PAK1: variants seen among roughly 807,000 people sequenced by gnomAD.
PAK1 encodes the protein serine/threonine-protein kinase PAK 1.
A neutral mutation model predicts 67.4 loss-of-function variants in PAK1; 29 were observed. That is an observed-to-expected ratio of 0.43 (90% CI 0.32 to 0.59). The LOEUF (loss-of-function observed/expected upper bound fraction) is 0.59. Among genes scored for constraint, PAK1 ranks in the 20% least tolerant of loss-of-function variants. The pLI, the probability that PAK1 is intolerant of heterozygous loss-of-function variation, is 0.07. For synonymous variants in PAK1, 223 were observed against 237.4 expected (o/e 0.94, Z 0.56); for missense variants, 337 against 670.7 (o/e 0.50, Z 5.50).
At chr11:77,398,986 C>T (rs1160831458) in intron 1 of PAK1, among the ~76,000 whole-genome samples, 1 of 152,306 alleles carries the variant, frequency 6.6e-6, no homozygotes, top group East Asian at 1.9e-4. Context: ...AATTCTTATT[C>T]CTCCAATCAA....
intron 1 of PAK1, among the ~76,000 whole-genome samples, chr11:77,471,307 T>C (rs1957842850): frequency 6.6e-6 from 1 of 152,206 alleles, no homozygotes; most frequent in Non-Finnish European, 1.5e-5. Context: ...TTTAACCCAG[T>C]GGTTCTCAAA....
At chr11:77,333,377 C>T (rs1371979149) in intron 13 of PAK1, among the ~76,000 whole-genome samples, 1 of 151,938 alleles carries the variant, frequency 6.6e-6, no homozygotes, top group East Asian at 1.9e-4. Context: ...TTCGTATTTT[C>T]AGTAGAGACG....
At chr11:77,417,540 T>C (rs1955034006) in intron 1 of PAK1, among the ~76,000 whole-genome samples, 2 of 152,190 alleles carry the variant, frequency 1.3e-5, no homozygotes, top group South Asian at 4.1e-4. Context: ...TACTGTATGA[T>C]ACTATAATCG....
At chr11:77,445,259 A>G (rs1956547056) in intron 1 of PAK1, among the ~76,000 whole-genome samples, 3 of 152,168 alleles carry the variant, frequency 2.0e-5, no homozygotes, top group African/African-American at 7.2e-5. Context: ...CCAGAGGTGG[A>G]CCTGCAAAAA....
the PAK1 span, among the ~76,000 whole-genome samples, chr11:77,487,909 C>G: frequency 2.4e-3 from 369 of 152,238 alleles, no homozygotes; most frequent in Non-Finnish European, 4.1e-3. Flanking sequence ...TTGTAGAGCC[C>G]TAGGGCCTTG....
intron 2 of PAK1, among the ~76,000 whole-genome samples, chr11:77,387,551 C>T (rs1400668870): frequency 6.6e-6 from 1 of 152,280 alleles, no homozygotes; most frequent in South Asian, 2.1e-4. Context: ...AAGCCTTAGC[C>T]TCCCCAACTA....
intron 7 of PAK1, among the ~76,000 whole-genome samples, chr11:77,354,668 G>A (rs1945761862): frequency 6.6e-6 from 1 of 152,188 alleles, no homozygotes; most frequent in Admixed American, 6.5e-5. Context: ...GTCATTTTAT[G>A]AGGGATCCAG....
At position 77,355,746 on chromosome 11, in the gene PAK1, G is replaced by GT. The variant is rs1945945813; in HGVS notation, c.693dup (p.Pro232ThrfsTer9). On this transcript the variant is annotated frameshift_variant, in exon 7 of 15. Transcript: ENST00000356341. LOFTEE classifies it high-confidence loss of function. Reference sequence around the variant, plus strand: ...TCAGTATTCCGGGTCAAAGCATCTGGTGGAGTGGTGTTATTTTCAGTAGGT... The same window carrying GT: ...TCAGTATTCCGGGTCAAAGCATCTGGTTGGAGTGGTGTTATTTTCAGTAGGT... 6.2e-7 allele frequency: 1 copy of GT among 1,613,080 alleles called. No homozygotes were observed. Among genetic ancestry groups the GT allele is most frequent in the Non-Finnish European group, 8.5e-7 (1 of 1,179,164 alleles).
the PAK1 span, among the ~76,000 whole-genome samples, chr11:77,497,787 T>C: frequency 6.6e-6 from 1 of 152,242 alleles, no homozygotes; most frequent in Non-Finnish European, 1.5e-5. Flanking sequence ...TTAGTTTCCT[T>C]TGCATTTTCT....
intron 1 of PAK1, among the ~76,000 whole-genome samples, chr11:77,467,931 G>A (rs1957673267): frequency 6.6e-6 from 1 of 152,200 alleles, no homozygotes; most frequent in Non-Finnish European, 1.5e-5. Flanking sequence ...CAGTGAGGAA[G>A]ACATCAATCT....
intron 13 of PAK1, among the ~76,000 whole-genome samples, chr11:77,333,619 C>T (rs1442864713): frequency 6.6e-6 from 1 of 152,160 alleles, no homozygotes; most frequent in African/African-American, 2.4e-5. Flanking sequence ...CATCCAAGAA[C>T]TGATCTCTTC....
intron 14 of PAK1, among the ~76,000 whole-genome samples, chr11:77,326,512 CT>C (rs768083937): frequency 6.6e-6 from 1 of 152,156 alleles, no homozygotes; most frequent in Non-Finnish European, 1.5e-5. Flanking sequence ...TGGCAAAACC[CT>C]GTCTTTACAA....
intron 1 of PAK1, among the ~76,000 whole-genome samples, chr11:77,449,429 TCAA>T (rs1198234754): frequency 6.6e-6 from 1 of 152,096 alleles, no homozygotes; most frequent in African/African-American, 2.4e-5. Context: ...ACCATTCAGT[TCAA>T]CATCTCACTG....
chr11:77,484,467 G>A, the PAK1 span, among the ~76,000 whole-genome samples: 2 of 152,208 alleles, frequency 1.3e-5, no homozygotes, highest in African/African-American at 2.4e-5. Flanking sequence ...CTCTACTACA[G>A]AGACTGGAAA....
the PAK1 span, among the ~76,000 whole-genome samples, chr11:77,510,031 C>T: frequency 6.6e-6 from 1 of 152,180 alleles, no homozygotes; most frequent in African/African-American, 2.4e-5. Flanking sequence ...TTGGTGTTGT[C>T]TTGAGTTTGT....
chr11:77,496,808 A>G, the PAK1 span, among the ~76,000 whole-genome samples: 1 of 151,772 alleles, frequency 6.6e-6, no homozygotes, highest in Non-Finnish European at 1.5e-5. Flanking sequence ...TGGTGAGTGC[A>G]CATAATCACA....
chr11:77,343,795 C>T (rs35974059), intron 10 of PAK1, 24 bp downstream of exon 10: 1 of 1,410,342 alleles, frequency 7.1e-7, no homozygotes, highest in Non-Finnish European at 1.0e-6. Context: ...CCCTTTCCCT[C>T]TGATGGGACC....
chr11:77,419,194 T>C (rs1955127318), intron 1 of PAK1, among the ~76,000 whole-genome samples: 1 of 152,242 alleles, frequency 6.6e-6, no homozygotes, highest in Admixed American at 6.5e-5. Flanking sequence ...GTTTTATTTA[T>C]TACTAACAGA....
chr11:77,390,611 C>T (rs1951006002), intron 2 of PAK1, among the ~76,000 whole-genome samples: 2 of 152,118 alleles, frequency 1.3e-5, no homozygotes, highest in Admixed American at 1.3e-4. Flanking sequence ...ATCCTCCTGC[C>T]TCAGCCTCCC....
Sources: allele counts gnomAD v4.1 joint callset (sites outside exome capture counted in the v4.1 genomes callset), GRCh38; gene constraint gnomAD v4.1.1; transcripts MANE v1.5; gene names NCBI Gene and HGNC (gene_info 2026-07-23, HGNC 2026-07-21).